The following DOCK5 variants were observed in gnomAD, a reference collection of about 807,000 sequenced individuals.
The protein encoded by DOCK5 is dedicator of cytokinesis protein 5.
A neutral mutation model predicts 251.8 loss-of-function variants in DOCK5; 142 were observed. That is an observed-to-expected ratio of 0.56 (90% CI 0.49 to 0.65). The LOEUF (loss-of-function observed/expected upper bound fraction) is 0.65. DOCK5 is among the 30% of genes least tolerant of loss of function. The probability of loss-of-function intolerance (pLI) is 0.00; values close to 1 mark genes in which losing one functional copy is unlikely to be tolerated. For missense variants in DOCK5, 2,111 were observed against 2,312.3 expected (o/e 0.91, Z 1.79); for synonymous variants, 842 against 835.5 (o/e 1.01, Z -0.13).
chr8:25,296,025 G>C (rs370733543), intron 6 of DOCK5, among the ~76,000 whole-genome samples: 1 of 152,068 alleles, frequency 6.6e-6, no homozygotes, highest in Admixed American at 6.6e-5. Context: ...TCAACATGTT[G>C]CCCAGGCTGG....
intron 16 of DOCK5, among the ~76,000 whole-genome samples, chr8:25,321,568 A>C (rs1805426252): frequency 6.6e-6 from 1 of 152,170 alleles, no homozygotes; most frequent in Non-Finnish European, 1.5e-5. Context: ...GATCCCTTGC[A>C]TGCACAGGTC....
At chr8:25,351,045 C>CTTTTAT (rs1189282699) in intron 26 of DOCK5, among the ~76,000 whole-genome samples, 6 of 151,964 alleles carry the variant, frequency 3.9e-5, no homozygotes, top group South Asian at 2.1e-4. Context: ...CTGAGCAATT[C>CTTTTAT]TTTTATTTTT....
chr8:25,411,751 A>C lies in DOCK5; in HGVS notation c.*453A>C. 6.5e-6 allele frequency: 1 copy of C among 154,820 alleles called. No individual in the cohort carries two copies. Among genetic ancestry groups the C allele is most frequent in the Non-Finnish European group, 1.4e-5 (1 of 69,832 alleles). 9.6% of individuals were successfully genotyped at this position (154,820 alleles called of 1,614,324 possible). On this transcript the variant is annotated 3_prime_UTR_variant, in exon 52 of 52. Transcript: ENST00000276440. ...CGTGGACACACTGATCCCATCCCAT[A>C]TTGCATCTTGGAAGAGATGGATATC...
chr8:25,328,757 C>T (rs549542770), intron 18 of DOCK5, among the ~76,000 whole-genome samples: 1 of 152,172 alleles, frequency 6.6e-6, no homozygotes, highest in African/African-American at 2.4e-5. Flanking sequence ...GTTTCTGGGC[C>T]CACTGGAAGG....
At chr8:25,223,668 C>G (rs540509152) in intron 1 of DOCK5, among the ~76,000 whole-genome samples, 1 of 152,184 alleles carries the variant, frequency 6.6e-6, no homozygotes, top group Non-Finnish European at 1.5e-5. Flanking sequence ...GAAATAAGAG[C>G]GAGTGATAAG....
At chr8:25,316,246 G>T (rs1397967526) in intron 13 of DOCK5, among the ~76,000 whole-genome samples, 1 of 152,214 alleles carries the variant, frequency 6.6e-6, no homozygotes, top group Admixed American at 6.5e-5. Context: ...TTGGGAGGCT[G>T]AGGTGGGCAG....
intron 1 of DOCK5, among the ~76,000 whole-genome samples, chr8:25,202,296 G>A (rs573105307): frequency 1.3e-5 from 2 of 152,276 alleles, no homozygotes; most frequent in East Asian, 3.9e-4. Context: ...GGCATTACAG[G>A]TGTGAGCCAC....
intron 47 of DOCK5, among the ~76,000 whole-genome samples, chr8:25,402,782 T>C (rs984660065): frequency 2.0e-5 from 3 of 152,120 alleles, no homozygotes; most frequent in African/African-American, 7.2e-5. Flanking sequence ...ATTTTCACAT[T>C]ATTTCCTCAA....
At chr8:25,291,894 C>A in intron 5 of DOCK5, 130 bp from the exon 6 acceptor site, 2 of 727,752 alleles carry the variant, frequency 2.7e-6, no homozygotes, top group Non-Finnish European at 2.0e-6. Flanking sequence ...AAAAAAGAAT[C>A]GGCCAAAAGA....
intron 34 of DOCK5, 33 bp downstream of exon 34, chr8:25,369,674 T>C: frequency 5.1e-6 from 8 of 1,559,354 alleles, no homozygotes; most frequent in Non-Finnish European, 7.0e-6. Context: ...CTGAAGTCAG[T>C]GGTGTCATTT....
chr8:25,347,340 G>T (rs1800388234), intron 26 of DOCK5, among the ~76,000 whole-genome samples: 1 of 152,214 alleles, frequency 6.6e-6, no homozygotes, highest in Admixed American at 6.5e-5. Context: ...AGCCCCTGTA[G>T]CCCACTTACT....
intron 16 of DOCK5, among the ~76,000 whole-genome samples, chr8:25,321,259 T>TCAAAACA (rs1347844387): frequency 3.3e-5 from 5 of 152,210 alleles, no homozygotes; most frequent in African/African-American, 9.7e-5. Context: ...TAGGATTTCC[T>TCAAAACA]CAAAATGTGT....
At chr8:25,391,311 C>A (rs953000651) in intron 42 of DOCK5, among the ~76,000 whole-genome samples, 2 of 151,950 alleles carry the variant, frequency 1.3e-5, no homozygotes, top group Non-Finnish European at 2.9e-5. Flanking sequence ...ATCCTCCCAC[C>A]TCTGCCTCCC....
chr8:25,306,649 A>G (rs370984095), intron 11 of DOCK5, among the ~76,000 whole-genome samples: 11 of 151,960 alleles, frequency 7.2e-5, no homozygotes, highest in African/African-American at 2.2e-4. Flanking sequence ...AGCCAAGATC[A>G]CGCCACTGCA....
At chr8:25,377,445 G>A (rs1800982677) in intron 38 of DOCK5, 21 bp downstream of exon 38, 8 of 1,609,424 alleles carry the variant, frequency 5.0e-6, no homozygotes, top group South Asian at 1.1e-5. Flanking sequence ...GATTGTTTTT[G>A]TACTAGGGGA....
At chr8:25,401,559 A>T (rs1586397585) in intron 47 of DOCK5, among the ~76,000 whole-genome samples, 1 of 151,988 alleles carries the variant, frequency 6.6e-6, no homozygotes, top group Non-Finnish European at 1.5e-5. Context: ...ATGGTGAAAC[A>T]CCATCTCTAC....
chr8:25,340,851 A>G (rs755283531), intron 22 of DOCK5, 26 bp from the exon 23 acceptor site: 1 of 1,595,088 alleles, frequency 6.3e-7, no homozygotes, highest in East Asian at 2.2e-5. Context: ...GGAAAGTCCA[A>G]CTGCTTTTGT....
intron 1 of DOCK5, among the ~76,000 whole-genome samples, chr8:25,241,073 A>G (rs1324740757): frequency 6.6e-6 from 1 of 152,214 alleles, no homozygotes; most frequent in Non-Finnish European, 1.5e-5. Flanking sequence ...GGCCACCCTG[A>G]TAATTCAGGG....
intron 2 of DOCK5, among the ~76,000 whole-genome samples, chr8:25,246,824 A>G (rs1229741121): frequency 6.6e-6 from 1 of 151,136 alleles, no homozygotes; most frequent in Admixed American, 6.6e-5. Context: ...TAATTGTCCT[A>G]CAGAGTGTGG....
Sources: gnomAD v4.1 joint callset for allele counts (sites outside exome capture counted in the v4.1 genomes callset) on GRCh38, gnomAD v4.1.1 for gene constraint, MANE v1.5 for transcripts, NCBI Gene and HGNC (gene_info 2026-07-23, HGNC 2026-07-21) for gene names.